Variants in PPP1R12A observed in about 807,000 individuals in gnomAD.
PPP1R12A encodes myosin binding subunit.
Under a neutral mutation model 139.6 loss-of-function variants are expected in PPP1R12A, and 19 were observed. The ratio of observed to expected loss-of-function variants is 0.14; its 90% confidence interval spans 0.09 to 0.20. The LOEUF (loss-of-function observed/expected upper bound fraction) is 0.20. Among genes scored for constraint, PPP1R12A ranks in the 10% least tolerant of loss-of-function variants. The pLI is 1.00. For synonymous variants in PPP1R12A, 427 were observed against 420.6 expected (o/e 1.02, Z -0.19); for missense variants, 925 against 1,211.5 (o/e 0.76, Z 3.51).
chr12:79,792,700 C>G (rs1270473759), intron 19 of PPP1R12A, among the ~76,000 whole-genome samples: 1 of 152,130 alleles, frequency 6.6e-6, no homozygotes, highest in African/African-American at 2.4e-5. Flanking sequence ...CTCCCTTCCA[C>G]TCCAGCCTGG....
At chr12:79,788,614 C>A in intron 21 of PPP1R12A, 34 bp downstream of exon 21, 1 of 1,538,312 alleles carries the variant, frequency 6.5e-7, no homozygotes, top group Non-Finnish European at 8.8e-7. Context: ...TAAAAGATAA[C>A]TTTTTATTAA....
At chr12:79,852,225 C>G (rs1384404494) in intron 2 of PPP1R12A, among the ~76,000 whole-genome samples, 1 of 146,724 alleles carries the variant, frequency 6.8e-6, no homozygotes, top group Non-Finnish European at 1.5e-5. Context: ...GGGTCTCACT[C>G]TGTTGCCCAG....
intron 22 of PPP1R12A, 130 bp from the exon 23 acceptor site, chr12:79,781,992 C>A: frequency 6.4e-6 from 3 of 465,422 alleles, no homozygotes; most frequent in South Asian, 5.2e-5. Context: ...GTGAGTAAAG[C>A]AAAGAGAAAA....
intron 23 of PPP1R12A, 70 bp downstream of exon 23, chr12:79,781,745 C>A: frequency 2.1e-6 from 2 of 935,164 alleles, no homozygotes; most frequent in South Asian, 2.1e-5. Flanking sequence ...AAAATAAAAA[C>A]AAAAAACCTA....
chr12:79,932,611 T>C (rs780461900), intron 1 of PPP1R12A, among the ~76,000 whole-genome samples: 1 of 152,108 alleles, frequency 6.6e-6, no homozygotes, highest in African/African-American at 2.4e-5. Flanking sequence ...AAACTTCTGT[T>C]TGTCAACTAA....
At chr12:79,829,487 T>C (rs1047326557) in intron 4 of PPP1R12A, among the ~76,000 whole-genome samples, 6 of 152,070 alleles carry the variant, frequency 3.9e-5, no homozygotes, top group African/African-American at 1.4e-4. Context: ...TTTTTAAAAA[T>C]AGATTGCCCA....
chr12:79,856,112 C>T lies in PPP1R12A; in HGVS notation c.369-10692G>A, dbSNP rs144111034. 3.2e-3 allele frequency among the ~76,000 whole-genome samples: 480 copies of T among 152,252 alleles called. 2 individuals carry two copies. The highest frequency in any genetic ancestry group is 8.5e-3 in the Admixed American group (130 of 15,286). On this transcript the variant is annotated intron_variant, in intron 2 of 24. Transcript: ENST00000450142. ...CACTGCCACTGCCCTAGTTTTCTTG[C>T]CCAACCTCTCTAATTTGTCAAGAAT...
chr12:79,774,977 T>C lies in PPP1R12A; in HGVS notation c.*952A>G, dbSNP rs1021042657. 6.6e-6 allele frequency: 1 copy of C among 152,400 alleles called. No homozygotes were observed. Among genetic ancestry groups the C allele is most frequent in the African/African-American group, 2.4e-5 (1 of 41,456 alleles). 9.4% of individuals were successfully genotyped at this position (152,400 alleles called of 1,614,324 possible). On this transcript the variant is annotated 3_prime_UTR_variant, in exon 25 of 25. Transcript: ENST00000450142. ...TTTTAAAGTCTTTATATCACATTGTTAGCAAATTTTGTTTTTTAACACTAT... is the reference window on the plus strand; with the variant it reads ...TTTTAAAGTCTTTATATCACATTGTCAGCAAATTTTGTTTTTTAACACTAT...
chr12:79,786,349 G>T, intron 22 of PPP1R12A, 25 bp downstream of exon 22: 1 of 1,378,428 alleles, frequency 7.3e-7, no homozygotes, highest in South Asian at 1.4e-5. Flanking sequence ...TACCTTGAGA[G>T]TAACAAAAAG....
At chr12:79,933,906 C>T (rs930287660) in intron 1 of PPP1R12A, among the ~76,000 whole-genome samples, 6 of 152,176 alleles carry the variant, frequency 3.9e-5, no homozygotes, top group African/African-American at 1.4e-4. Flanking sequence ...AGAGTGTCCC[C>T]TATTTATTCT....
intron 24 of PPP1R12A, chr12:79,777,255 A>G: frequency 1.0e-6 from 1 of 963,414 alleles, no homozygotes; most frequent in Non-Finnish European, 1.2e-6. Flanking sequence ...CTGTATAGCT[A>G]AAAAATGTGC....
intron 3 of PPP1R12A, 81 bp downstream of exon 3, chr12:79,845,221 C>T: frequency 9.5e-7 from 1 of 1,052,502 alleles, no homozygotes; most frequent in Non-Finnish European, 1.4e-6. Flanking sequence ...GATTGCCCTT[C>T]AATGTCAACA....
intron 20 of PPP1R12A, among the ~76,000 whole-genome samples, chr12:79,789,344 T>A (rs905061234): frequency 2.0e-5 from 3 of 152,136 alleles, no homozygotes; most frequent in African/African-American, 7.2e-5. Flanking sequence ...ATTGTACACT[T>A]CCTCCCACAT....
intron 16 of PPP1R12A, 88 bp from the exon 17 acceptor site, chr12:79,797,038 G>A: frequency 7.0e-7 from 1 of 1,430,424 alleles, no homozygotes; most frequent in East Asian, 2.3e-5. Context: ...CAAAGAAAAA[G>A]TAGTATACTA....
At chr12:79,786,653 G>T (rs1871171330) in intron 21 of PPP1R12A, 175 bp from the exon 22 acceptor site, 4 of 456,914 alleles carry the variant, frequency 8.8e-6, no homozygotes, top group Non-Finnish European at 1.5e-5. Context: ...ATGCAAGTGT[G>T]TTTGTCCCAT....
intron 9 of PPP1R12A, among the ~76,000 whole-genome samples, chr12:79,811,793 T>A (rs898123703): frequency 6.6e-6 from 1 of 152,186 alleles, no homozygotes; most frequent in Non-Finnish European, 1.5e-5. Flanking sequence ...TGGGCTAGGT[T>A]TGGCCCACCA....
chr12:79,881,589 T>C (rs1883640860), intron 1 of PPP1R12A, among the ~76,000 whole-genome samples: 2 of 152,294 alleles, frequency 1.3e-5, no homozygotes, highest in South Asian at 2.1e-4. Flanking sequence ...CTCCATATCA[T>C]ACAAGTGCAA....
At chr12:79,802,039 G>C (rs1284631129) in intron 14 of PPP1R12A, among the ~76,000 whole-genome samples, 1 of 152,112 alleles carries the variant, frequency 6.6e-6, no homozygotes, top group East Asian at 1.9e-4. Flanking sequence ...AAAGGAATAA[G>C]AGAATAACTA....
chr12:79,892,588 T>G (rs1463795288), intron 1 of PPP1R12A, among the ~76,000 whole-genome samples: 1 of 152,214 alleles, frequency 6.6e-6, no homozygotes, highest in East Asian at 1.9e-4. Flanking sequence ...TCTTCGATGC[T>G]AGTACTTTTA....
Sources: gnomAD v4.1 joint callset for allele counts (sites outside exome capture counted in the v4.1 genomes callset) on GRCh38, gnomAD v4.1.1 for gene constraint, MANE v1.5 for transcripts, NCBI Gene and HGNC (gene_info 2026-07-23, HGNC 2026-07-21) for gene names.